The following RING1 variants were observed in gnomAD, a reference collection of about 807,000 sequenced individuals.
RING1 encodes E3 ubiquitin-protein ligase RING1.
RING1 carries 8 observed loss-of-function variants against 35.0 expected under a neutral mutation model. The ratio of observed to expected loss-of-function variants is 0.23; its 90% CI spans 0.13 to 0.41. RING1 has a LOEUF of 0.41. RING1 is among the 10% of genes least tolerant of loss of function. The pLI is 1.00. For missense variants in RING1, 343 were observed against 546.8 expected, an observed-to-expected ratio of 0.63 and a Z score of 3.72; for synonymous variants, 214 against 224.3, an observed-to-expected ratio of 0.95 and a Z score of 0.41.
In RING1 at chr6:33,212,483, T is replaced by C. The variant is rs903207532; in HGVS notation, c.*84T>C. On this transcript the variant is annotated 3_prime_UTR_variant, in exon 7 of 7. Transcript: ENST00000374656. ...TCACCCCAGCTTCTTTGTCCCCCAG[T>C]ACCCCCAGCCCAGCCAGCCAATAAG... is the stretch of plus-strand genomic sequence containing the variant. 1.6e-5 allele frequency: 14 copies of C among 870,714 alleles called. No homozygotes were observed. The African/African-American group carries it at 2.2e-4, about 14-fold the overall frequency. 53.9% of individuals were successfully genotyped at this position (870,714 alleles called of 1,614,324 possible).
chr6:33,212,287 C>G lies in RING1; in HGVS notation c.1120-11C>G, dbSNP rs767409956. The G allele has an allele frequency of 6.5e-7, 1 of 1,549,140 alleles. No individual in the cohort carries two copies. Among genetic ancestry groups the G allele is most frequent in the East Asian group, 2.4e-5 (1 of 42,338 alleles). On this transcript the variant is annotated splice_polypyrimidine_tract_variant and intron_variant, in intron 6 of 6. Transcript: ENST00000374656. ...CTCTTTTCCCCTCTCTCCCTTTTAC[C>G]CCCTCCTCAGACGTTGAATGGCTCG...
chr6:33,209,623 C>T lies in RING1; in HGVS notation c.79-3C>T, dbSNP rs1775392681. ...CCACCTTTCTACTCACTGATGCCTT[C>T]AGGAAGCCATAATGGATGGCACAGA... On this transcript the variant is annotated splice_region_variant and splice_polypyrimidine_tract_variant and intron_variant, in intron 2 of 6. Transcript: ENST00000374656. The surrounding 1 kb of genome is among the most constrained non-coding windows in gnomAD (Gnocchi z 5.1). 2.5e-6 allele frequency: 4 copies of T among 1,611,750 alleles called. No individual in the cohort carries two copies. Among genetic ancestry groups the T allele is most frequent in the Non-Finnish European group, 3.4e-6 (4 of 1,178,956 alleles).
chr6:33,209,556 T>G lies in RING1; in HGVS notation c.79-70T>G. On this transcript the variant is annotated intron_variant, in intron 2 of 6. Transcript: ENST00000374656. This position sits in a 1 kb window ranked among gnomAD's most constrained non-coding sequence, Gnocchi z 5.1. Reference sequence around the variant, plus strand: ...ACTGTATTTCTCAAAATTCTTATTTTATGGGCTGCTGTTTCTAAAACCCCT... The same window carrying G: ...ACTGTATTTCTCAAAATTCTTATTTGATGGGCTGCTGTTTCTAAAACCCCT... 6.8e-7 allele frequency: 1 copy of G among 1,474,880 alleles called. No homozygotes were observed. The allele number at this position is 1,474,880 out of a possible 1,614,324, so 91.4% of individuals were successfully genotyped here.
Position 33,208,579 on chromosome 6 carries a change from T to C in RING1, c.-124T>C. 1 of 478,204 alleles carries C rather than the reference T, an allele frequency of 2.1e-6. No homozygotes were observed. The highest frequency in any genetic ancestry group is 3.6e-6 in the Non-Finnish European group (1 of 274,708). The allele number at this position is 478,204 out of a possible 1,614,324, so 29.6% of individuals were successfully genotyped here. On this transcript the variant is annotated 5_prime_UTR_variant, in exon 1 of 7. Coordinates refer to ENST00000374656, the MANE Select transcript of RING1 (RefSeq NM_002931.4). The surrounding 1 kb of genome is among the most constrained non-coding windows in gnomAD (Gnocchi z 6.2). Reference sequence around the variant, plus strand: ...AGCAGCGGTTGCGGACCGAGCGAACTTGGCCCAGGAGCCCGGGCCTAGGGA... The same window carrying C: ...AGCAGCGGTTGCGGACCGAGCGAACCTGGCCCAGGAGCCCGGGCCTAGGGA...
At position 33,209,282 on chromosome 6, in the gene RING1, G is replaced by A; in HGVS notation, c.79-344G>A. The A allele has an allele frequency of 1.8e-6, 1 of 563,054 alleles. No individual in the cohort carries two copies. The highest frequency in any genetic ancestry group is 3.2e-6 in the Non-Finnish European group (1 of 313,604). 34.9% of individuals were successfully genotyped at this position (563,054 alleles called of 1,614,324 possible). A position where few individuals can be genotyped will look rare whatever the true frequency, so the allele number is the denominator to read the frequency against. ...TTCTCAGAATCTGAATTTTTAACAGGCACCCTATGGGGTTCTAATACAGGT... is the reference window on the plus strand; with the variant it reads ...TTCTCAGAATCTGAATTTTTAACAGACACCCTATGGGGTTCTAATACAGGT... On this transcript the variant is annotated intron_variant, in intron 2 of 6. Transcript: ENST00000374656. The surrounding 1 kb of genome is among the most constrained non-coding windows in gnomAD (Gnocchi z 5.1).
chr6:33,209,594 C>G lies in RING1; in HGVS notation c.79-32C>G, dbSNP rs527340598. 6.2e-7 allele frequency: 1 copy of G among 1,602,746 alleles called. No individual in the cohort carries two copies. The highest frequency in any genetic ancestry group is 1.1e-5 in the South Asian group (1 of 90,540). On this transcript the variant is annotated intron_variant, in intron 2 of 6. Coordinates refer to ENST00000374656, the MANE Select transcript of RING1 (RefSeq NM_002931.4). This position sits in a 1 kb window ranked among gnomAD's most constrained non-coding sequence, Gnocchi z 5.1. ...TTCTAAAACCCCTTTCCCTCTAACC[C>G]ACACCACCTTTCTACTCACTGATGC...
In RING1 at chr6:33,209,045, C is replaced by CT; in HGVS notation, c.78+148dup. 1 of 753,158 alleles carries CT rather than the reference C, an allele frequency of 1.3e-6. No homozygotes were observed. Among genetic ancestry groups the CT allele is most frequent in the Non-Finnish European group, 2.4e-6 (1 of 421,402 alleles). The allele number at this position is 753,158 out of a possible 1,614,324, so 46.7% of individuals were successfully genotyped here. On this transcript the variant is annotated intron_variant, in intron 2 of 6. Coordinates refer to ENST00000374656, the MANE Select transcript of RING1 (RefSeq NM_002931.4). The surrounding 1 kb of genome is among the most constrained non-coding windows in gnomAD (Gnocchi z 5.1). The stretch of plus-strand genomic sequence containing the variant: ...GAATCACCTTAATCTTTCCAAAGCA[C>CT]TTTCGCATTTAGCTCATTTAATCCT...
rs1437385206 is a variant in RING1 at position 33,208,500 on chromosome 6, G to A, written c.-203G>A. 3 of 420,192 alleles carry A rather than the reference G, an allele frequency of 7.1e-6. No homozygotes were observed. Among genetic ancestry groups the A allele is most frequent in the Non-Finnish European group, 4.2e-6 (1 of 240,354 alleles). 26.0% of individuals were successfully genotyped at this position (420,192 alleles called of 1,614,324 possible). A position where few individuals can be genotyped will look rare whatever the true frequency, so the allele number is the denominator to read the frequency against. The stretch of plus-strand genomic sequence containing the variant: ...TAGCGGAGGAGCAGGCGGAAGTGAC[G>A]TAGGGCCCCAGCGCCCGGGCCATGG... On this transcript the variant is annotated 5_prime_UTR_variant, in exon 1 of 7. Coordinates refer to ENST00000374656, the MANE Select transcript of RING1 (RefSeq NM_002931.4). This position sits in a 1 kb window ranked among gnomAD's most constrained non-coding sequence, Gnocchi z 6.2.
intron 4 of RING1, among the ~76,000 whole-genome samples, chr6:33,210,422 G>A (rs1275754460): frequency 6.6e-6 from 1 of 152,028 alleles, no homozygotes; most frequent in East Asian, 1.9e-4. Flanking sequence ...ATAACATAGG[G>A]AAATCTCATC....
At chr6:33,210,223 G>A (rs1198026850) in intron 4 of RING1, 93 bp downstream of exon 4, 3 of 1,132,266 alleles carry the variant, frequency 2.6e-6, no homozygotes, top group Non-Finnish European at 3.9e-6. Context: ...CATCCTAGGA[G>A]CTGACCACAG....
Position 33,209,850 on chromosome 6 carries a change from C to T in RING1, c.239+64C>T. 6.2e-7 allele frequency: 1 copy of T among 1,611,704 alleles called. No individual in the cohort carries two copies. The highest frequency in any genetic ancestry group is 8.5e-7 in the Non-Finnish European group (1 of 1,177,952). On this transcript the variant is annotated intron_variant, in intron 3 of 6. Transcript: ENST00000374656. This position sits in a 1 kb window ranked among gnomAD's most constrained non-coding sequence, Gnocchi z 5.1. Reference sequence around the variant, plus strand: ...ACAAAGTTAGGGCCCTCTCACTGGTCTTGGTTCAGCCTAGGCTTCAGTTCC... The same window carrying T: ...ACAAAGTTAGGGCCCTCTCACTGGTTTTGGTTCAGCCTAGGCTTCAGTTCC...
chr6:33,208,611 C>A lies in RING1; in HGVS notation c.-92C>A. The stretch of plus-strand genomic sequence containing the variant: ...AGGAGCCCGGGCCTAGGGAGAGGCG[C>A]GGCGGCGGCGGGAGCGCGAACGGCT... On this transcript the variant is annotated 5_prime_UTR_variant, in exon 1 of 7. Transcript: ENST00000374656. This position sits in a 1 kb window ranked among gnomAD's most constrained non-coding sequence, Gnocchi z 6.2. The A allele has an allele frequency of 1.9e-6, 1 of 518,164 alleles. No homozygotes were observed. Among genetic ancestry groups the A allele is most frequent in the Non-Finnish European group, 3.4e-6 (1 of 297,848 alleles). 32.1% of individuals were successfully genotyped at this position (518,164 alleles called of 1,614,324 possible).
In RING1 at chr6:33,208,609, CGCG is replaced by C. The variant is rs1775296756; in HGVS notation, c.-83_-81del. The C allele has an allele frequency of 6.4e-5, 34 of 529,678 alleles. No homozygotes were observed. Among genetic ancestry groups the C allele is most frequent in the South Asian group, 1.8e-4 (7 of 38,566 alleles). The allele number at this position is 529,678 out of a possible 1,614,324, so 32.8% of individuals were successfully genotyped here. On this transcript the variant is annotated 5_prime_UTR_variant, in exon 1 of 7. Transcript: ENST00000374656. The surrounding 1 kb of genome is among the most constrained non-coding windows in gnomAD (Gnocchi z 6.2). Reference sequence around the variant, plus strand: ...CCAGGAGCCCGGGCCTAGGGAGAGGCGCGGCGGCGGCGGGAGCGCGAACGGCTG... The same window carrying C: ...CCAGGAGCCCGGGCCTAGGGAGAGGCGCGGCGGCGGGAGCGCGAACGGCTG...
rs541306676 is a variant in RING1, at chr6:33,211,347, A to G, written c.645A>G (p.Thr215=). Residue 215 remains threonine, a synonymous_variant, in exon 5 of 7, where the codon ACA becomes ACG. Coordinates refer to ENST00000374656, the MANE Select transcript of RING1 (RefSeq NM_002931.4). The surrounding 1 kb of genome is among the most constrained non-coding windows in gnomAD (Gnocchi z 6.3). Reference sequence around the variant, plus strand: ...GCGCAGGGGGGAGCAGTGTAGGGACAGGGGGAGGCGGCACTGGTGGGGTGG... The same window carrying G: ...GCGCAGGGGGGAGCAGTGTAGGGACGGGGGGAGGCGGCACTGGTGGGGTGG... ...GGGAGGSSVG[T]GGGGTGGVGG... The G allele has an allele frequency of 5.1e-6, 5 of 974,612 alleles. No individual in the cohort carries two copies. The highest frequency in any genetic ancestry group is 6.7e-6 in the Non-Finnish European group (5 of 743,898). 60.4% of individuals were successfully genotyped at this position (974,612 alleles called of 1,614,324 possible).
In RING1 at chr6:33,211,784, C is replaced by G; in HGVS notation, c.901C>G (p.Leu301Val). Residue 301 changes from leucine (L) to valine (V), a missense_variant, in exon 6 of 7, where the codon CTG becomes GTG. Leu to Val is a conservative substitution (Grantham distance 32). This residue lies in a region of RING1 where 278 missense variants were observed against 383.5 expected (regional missense o/e 0.72). Transcript: ENST00000374656. This position sits in a 1 kb window ranked among gnomAD's most constrained non-coding sequence, Gnocchi z 6.3. ...GGACCACCTCTCCAAGTACTTGGCCCTGCGCATTGCCCTCGAGCGGAGGCA... is the reference window on the plus strand; with the variant it reads ...GGACCACCTCTCCAAGTACTTGGCCGTGCGCATTGCCCTCGAGCGGAGGCA... ...TVDHLSKYLA[L>V]RIALERRQQQ... The G allele has an allele frequency of 6.3e-7, 1 of 1,590,450 alleles. No homozygotes were observed. The highest frequency in any genetic ancestry group is 8.6e-7 in the Non-Finnish European group (1 of 1,167,312).
At chr6:33,212,174 C>A in intron 6 of RING1, 124 bp from the exon 7 acceptor site, 3 of 892,880 alleles carry the variant, frequency 3.4e-6, no homozygotes, top group East Asian at 5.3e-5. Flanking sequence ...TGCCTTATCG[C>A]TTTTATTATT....
At position 33,209,579 on chromosome 6, in the gene RING1, C is replaced by T; in HGVS notation, c.79-47C>T. On this transcript the variant is annotated intron_variant, in intron 2 of 6. Transcript: ENST00000374656. The surrounding 1 kb of genome is among the most constrained non-coding windows in gnomAD (Gnocchi z 5.1). ...TTTATGGGCTGCTGTTTCTAAAACCCCTTTCCCTCTAACCCACACCACCTT... is the reference window on the plus strand; with the variant it reads ...TTTATGGGCTGCTGTTTCTAAAACCTCTTTCCCTCTAACCCACACCACCTT... 6.3e-7 allele frequency: 1 copy of T among 1,577,140 alleles called. No homozygotes were observed. Among genetic ancestry groups the T allele is most frequent in the South Asian group, 1.1e-5 (1 of 88,148 alleles).
At chr6:33,210,181 G>A (rs757433349) in intron 4 of RING1, 51 bp downstream of exon 4, 2 of 1,532,244 alleles carry the variant, frequency 1.3e-6, no homozygotes, top group Admixed American at 3.5e-5. Context: ...CCGTGGGTCA[G>A]TCCTTGTTGC....
In RING1 at chr6:33,209,108, T is replaced by C. The variant is rs572255547; in HGVS notation, c.78+208T>C. 1.4e-6 allele frequency: 1 copy of C among 702,088 alleles called. No individual in the cohort carries two copies. Among genetic ancestry groups the C allele is most frequent in the Non-Finnish European group, 2.6e-6 (1 of 384,672 alleles). 43.5% of individuals were successfully genotyped at this position (702,088 alleles called of 1,614,324 possible). ...GCCAGAGAGGTGGAACAAGTATTATTATCTTCATTTGAAAGATCACAAACA... is the reference window on the plus strand; with the variant it reads ...GCCAGAGAGGTGGAACAAGTATTATCATCTTCATTTGAAAGATCACAAACA... On this transcript the variant is annotated intron_variant, in intron 2 of 6. Transcript: ENST00000374656. This position sits in a 1 kb window ranked among gnomAD's most constrained non-coding sequence, Gnocchi z 5.1.
Sources: allele counts gnomAD v4.1 joint callset (sites outside exome capture counted in the v4.1 genomes callset), GRCh38; gene constraint gnomAD v4.1.1; regional missense constraint gnomAD v4.1.1; non-coding constraint Gnocchi (gnomAD v3.1); transcripts MANE v1.5; gene names NCBI Gene and HGNC (gene_info 2026-07-23, HGNC 2026-07-21).